The following RS1 variants were observed in gnomAD, a reference collection of about 807,000 sequenced individuals.
RS1 encodes the protein retinoschisin 1, also known as retinoschisin.
A neutral mutation model predicts 20.8 loss-of-function variants in RS1; 2 were observed. The observed-to-expected ratio is 0.10, with a 90% CI of 0.04 to 0.30. The LOEUF (loss-of-function observed/expected upper bound fraction) is 0.30, where lower values mean the gene tolerates loss of function less well. Ranked by LOEUF, RS1 falls within the 10% of genes least tolerant of loss-of-function variation. The pLI, the probability that RS1 is intolerant of heterozygous loss-of-function variation, is 1.00. For missense variants in RS1, 151 were observed against 189.8 expected (o/e 0.80, Z 1.20); for synonymous variants, 70 against 75.8 (o/e 0.92, Z 0.40).
At chrX:18,647,895 A>G (rs1927853609) in intron 3 of RS1, among the ~76,000 whole-genome samples, 1 of 71,079 alleles carries the variant, frequency 1.4e-5, no homozygotes, top group African/African-American at 8.2e-5. Context: ...AGTCTAATGA[A>G]AAAAAAAATG....
chrX:18,645,637 C>T (rs1297634483), intron 4 of RS1, among the ~76,000 whole-genome samples: 1 of 111,272 alleles, frequency 9.0e-6, no homozygotes, highest in African/African-American at 3.3e-5. Context: ...CCGTGTCCCC[C>T]TCTTTCTTCC....
Position 18,650,584 on chromosome X carries a change from A to G in RS1, c.185-3252T>C, listed in dbSNP as rs1390257687. On this transcript the variant is annotated intron_variant, in intron 3 of 5. Coordinates refer to ENST00000379984, the MANE Select transcript of RS1 (RefSeq NM_000330.4). ...ACTGATGCTTTCAGCTGCCCAACCC[A>G]GCAATCCGGTAAGCAGAGACTCTAG... The G allele has an allele frequency of 8.3e-7, 1 of 1,210,644 alleles. No individual in the cohort carries two copies. The highest frequency in any genetic ancestry group is 1.7e-5 in the African/African-American group (1 of 57,433).
chrX:18,645,202 G>C (rs967707509), intron 4 of RS1, among the ~76,000 whole-genome samples: 2 of 111,430 alleles, frequency 1.8e-5, no homozygotes, highest in Non-Finnish European at 3.8e-5. Context: ...AGTTCCCCCC[G>C]CCACCTCCTT....
intron 3 of RS1, among the ~76,000 whole-genome samples, chrX:18,651,264 T>TGA (rs1191836877): frequency 0.013 from 901 of 68,958 alleles, 10 homozygotes; most frequent in African/African-American, 0.019. Flanking sequence ...TGTGTGTGTG[T>TGA]GAGAGAGAGA....
At chrX:18,662,837 C>T (rs547117028) in intron 1 of RS1, among the ~76,000 whole-genome samples, 3 of 109,815 alleles carry the variant, frequency 2.7e-5, no homozygotes, top group South Asian at 7.7e-4. Flanking sequence ...CTGTGTTAGC[C>T]AGGATGGTCT....
In RS1 at chrX:18,647,802, A is replaced by T. The variant is rs775317547; in HGVS notation, c.185-470T>A. 391 of 138,683 alleles carry T rather than the reference A, an allele frequency of 2.8e-3. 4 individuals are homozygous for T. The highest frequency in any genetic ancestry group is 0.012 in the African/African-American group (368 of 31,574). The allele number at this position is 138,683 out of a possible 1,213,427, so 11.4% of individuals were successfully genotyped here. A position where few individuals can be genotyped will look rare whatever the true frequency, so the allele number is the denominator to read the frequency against. ...CAGATCATGCCAATTATAGGGACAA[A>T]ACCACAGTGAGACGCAAGAAGGGCG... On this transcript the variant is annotated intron_variant, in intron 3 of 5. Coordinates refer to ENST00000379984, the MANE Select transcript of RS1 (RefSeq NM_000330.4).
At chrX:18,651,244 TGTGTGTGTGTGTGTGTGTGTGA>T (rs1335702983) in intron 3 of RS1, among the ~76,000 whole-genome samples, 2 of 96,892 alleles carry the variant, frequency 2.1e-5, no homozygotes, top group Admixed American at 1.1e-4. Flanking sequence ...TGTGTGTGTG[TGTGTGTGTGTGTGTGTGTGTGA>T]GAGAGAGAGA....
At position 18,649,044 on chromosome X, in the gene RS1, A is replaced by G. The variant is rs1041759591; in HGVS notation, c.185-1712T>C. 4.7e-5 allele frequency among the ~76,000 whole-genome samples: 5 copies of G among 107,057 alleles called. No individual in the cohort carries two copies. The South Asian group carries it at 2.0e-3, about 43-fold the overall frequency. The allele number at this position is 107,057 out of a possible 115,157, so 93.0% of individuals were successfully genotyped here. On this transcript the variant is annotated intron_variant, in intron 3 of 5. Transcript: ENST00000379984. The stretch of plus-strand genomic sequence containing the variant: ...GCCTGGGTGATAGACACTGTCTCAA[A>G]AAAAAAAAAAAAAAAGAAAACTACA...
At chrX:18,642,458 C>T (rs1490611204) in intron 5 of RS1, among the ~76,000 whole-genome samples, 2 of 110,730 alleles carry the variant, frequency 1.8e-5, no homozygotes, top group Non-Finnish European at 3.8e-5. Flanking sequence ...TTCAAGTGGC[C>T]GCCATATTGG....
intron 3 of RS1, among the ~76,000 whole-genome samples, chrX:18,649,205 T>G (rs1188795248): frequency 3.6e-5 from 4 of 111,101 alleles, no homozygotes; most frequent in African/African-American, 1.3e-4. Context: ...AGTTCCTAAC[T>G]GAATTTCTAC....
chrX:18,662,009 GC>G (rs1486451448), intron 1 of RS1, among the ~76,000 whole-genome samples: 4 of 111,741 alleles, frequency 3.6e-5, no homozygotes, highest in Non-Finnish European at 7.5e-5. Flanking sequence ...TGGGGGTGGA[GC>G]CCGAGGCAGG....
intron 5 of RS1, 48 bp from the exon 6 acceptor site, chrX:18,642,204 AG>A (rs1240642430): frequency 8.7e-7 from 1 of 1,150,855 alleles, no homozygotes; most frequent in East Asian, 3.0e-5. Context: ...GGGAGGGAAA[AG>A]GAAGAAGGGT....
In RS1 at chrX:18,657,217, C is replaced by CTTTTT. The variant is rs749358875; in HGVS notation, c.78+418_78+422dup. Among the ~76,000 whole-genome samples the CTTTTT allele has an allele frequency of 3.7e-4, 24 of 65,146 alleles. 4 individuals are homozygous for CTTTTT. The highest frequency in any genetic ancestry group is 8.0e-4 in the African/African-American group (13 of 16,249). 56.6% of individuals were successfully genotyped at this position (65,146 alleles called of 115,157 possible). A position where few individuals can be genotyped will look rare whatever the true frequency, so the allele number is the denominator to read the frequency against. ...ACAGTCACCATCACCAAAAAAAATA[C>CTTTTT]TTTTTTTTTTTTTTTTTTTTTGAGA... On this transcript the variant is annotated intron_variant, in intron 2 of 5. Coordinates refer to ENST00000379984, the MANE Select transcript of RS1 (RefSeq NM_000330.4).
chrX:18,653,917 G>A lies in RS1; in HGVS notation c.184+2736C>T, dbSNP rs182559981. Among the ~76,000 whole-genome samples the A allele has an allele frequency of 5.2e-3, 564 of 109,387 alleles. 1 individual carries two copies. The highest frequency in any genetic ancestry group is 0.018 in the African/African-American group (533 of 29,986). 95.0% of individuals were successfully genotyped at this position (109,387 alleles called of 115,157 possible). ...TGGGAGGTGGGGGTTGCAGTGAGCC[G>A]AGATCACGCTACTGTACTCCAGCCT... On this transcript the variant is annotated intron_variant, in intron 3 of 5. Transcript: ENST00000379984.
intron 1 of RS1, among the ~76,000 whole-genome samples, chrX:18,664,532 G>A (rs1928371557): frequency 9.0e-6 from 1 of 110,635 alleles, no homozygotes; most frequent in Non-Finnish European, 1.9e-5. Context: ...GGAGGCTGAG[G>A]CGGGATAATC....
At chrX:18,652,780 A>G (rs1246358304) in intron 3 of RS1, among the ~76,000 whole-genome samples, 1 of 112,195 alleles carries the variant, frequency 8.9e-6, no homozygotes, top group Non-Finnish European at 1.9e-5. Flanking sequence ...TTCTATACTC[A>G]TTTCACCCTT....
intron 1 of RS1, among the ~76,000 whole-genome samples, chrX:18,667,774 C>G (rs942125274): frequency 8.1e-5 from 9 of 111,234 alleles, no homozygotes; most frequent in African/African-American, 2.9e-4. Context: ...CAATTTTGGA[C>G]CCATTTCTTG....
intron 4 of RS1, among the ~76,000 whole-genome samples, chrX:18,645,013 G>C (rs183715973): frequency 8.9e-6 from 1 of 111,922 alleles, no homozygotes; most frequent in East Asian, 2.8e-4. Flanking sequence ...ACCTTTCTGC[G>C]CATTTCACTC....
At chrX:18,656,963 C>T (rs1928226853) in intron 2 of RS1, among the ~76,000 whole-genome samples, 1 of 111,231 alleles carries the variant, frequency 9.0e-6, no homozygotes, top group African/African-American at 3.3e-5. Flanking sequence ...CCACCCTGGG[C>T]GACCAACTAA....
Sources: gnomAD v4.1 joint callset for allele counts (sites outside exome capture counted in the v4.1 genomes callset) on GRCh38, gnomAD v4.1.1 for gene constraint, MANE v1.5 for transcripts, NCBI Gene and HGNC (gene_info 2026-07-23, HGNC 2026-07-21) for gene names.